Variants in ABCG2 observed in about 807,000 individuals in gnomAD.
ABCG2 encodes the protein broad substrate specificity ATP-binding cassette transporter ABCG2.
A neutral mutation model predicts 73.5 loss-of-function variants in ABCG2; 80 were observed. The ratio of observed to expected loss-of-function variants is 1.09; its 90% CI spans 0.91 to 1.31. ABCG2 has a LOEUF of 1.31. Among genes scored for constraint, ABCG2 ranks in the 50% most tolerant of loss-of-function variants. ABCG2 has a pLI of 0.00. For missense variants in ABCG2, 796 were observed against 786.2 expected (o/e 1.01, Z -0.15); for synonymous variants, 269 against 282.4 (o/e 0.95, Z 0.48).
intron 1 of ABCG2, among the ~76,000 whole-genome samples, chr4:88,198,003 C>T (rs1033279772): frequency 1.4e-5 from 2 of 146,828 alleles, no homozygotes; most frequent in Admixed American, 6.9e-5. Flanking sequence ...GCACTCCAGC[C>T]TGAGTGACGG....
chr4:88,167,299 C>T (rs1451786609), intron 1 of ABCG2, among the ~76,000 whole-genome samples: 1 of 151,946 alleles, frequency 6.6e-6, no homozygotes, highest in Non-Finnish European at 1.5e-5. Flanking sequence ...TGCATTTCTT[C>T]CCATGTGGCC....
chr4:88,104,688 A>G (rs1722659552), intron 10 of ABCG2, among the ~76,000 whole-genome samples: 1 of 152,146 alleles, frequency 6.6e-6, no homozygotes, highest in Non-Finnish European at 1.5e-5. Context: ...AGCAAGCTTA[A>G]GTCACAAATA....
chr4:88,178,381 A>G (rs186526870), intron 1 of ABCG2, among the ~76,000 whole-genome samples: 24 of 152,228 alleles, frequency 1.6e-4, no homozygotes, highest in African/African-American at 5.1e-4. Context: ...CTGACCAAAG[A>G]GCCCTTGGGC....
intron 1 of ABCG2, among the ~76,000 whole-genome samples, chr4:88,140,613 C>A (rs1313016805): frequency 1.3e-5 from 2 of 151,890 alleles, no homozygotes; most frequent in Non-Finnish European, 2.9e-5. Flanking sequence ...TAGAGCGAGA[C>A]TCCATCTCAA....
At chr4:88,114,806 C>T in intron 8 of ABCG2, 151 bp downstream of exon 8, 1 of 537,634 alleles carries the variant, frequency 1.9e-6, no homozygotes, top group South Asian at 2.8e-5. Context: ...ACACCAACAG[C>T]ACTCACAGAC....
At chr4:88,142,188 C>T (rs1725694006) in intron 1 of ABCG2, among the ~76,000 whole-genome samples, 2 of 151,704 alleles carry the variant, frequency 1.3e-5, no homozygotes, top group African/African-American at 2.4e-5. Flanking sequence ...TAACAGGCAA[C>T]CTGAGAGAGA....
At chr4:88,124,539 C>T (rs915553243) in intron 5 of ABCG2, among the ~76,000 whole-genome samples, 1 of 152,064 alleles carries the variant, frequency 6.6e-6, no homozygotes, top group Non-Finnish European at 1.5e-5. Flanking sequence ...AGACTTAAAA[C>T]CAACAAAGAT....
At chr4:88,187,526 T>C (rs1474832476) in intron 1 of ABCG2, among the ~76,000 whole-genome samples, 1 of 152,022 alleles carries the variant, frequency 6.6e-6, no homozygotes, top group Admixed American at 6.6e-5. Context: ...GGCAGGAGAA[T>C]TGCTTGAACC....
chr4:88,107,134 T>G (rs765835774), intron 10 of ABCG2, 50 bp downstream of exon 10: 1 of 1,347,020 alleles, frequency 7.4e-7, no homozygotes, highest in Admixed American at 1.9e-5. Flanking sequence ...TTCAATAAGC[T>G]TGAAGAAAGT....
At chr4:88,181,087 G>A (rs1728214516) in intron 1 of ABCG2, among the ~76,000 whole-genome samples, 1 of 152,094 alleles carries the variant, frequency 6.6e-6, no homozygotes, top group Non-Finnish European at 1.5e-5. Context: ...TATGCAATCA[G>A]TGTTAGGTTG....
In ABCG2 at chr4:88,101,256, G is replaced by C; in HGVS notation, c.1341C>G (p.Leu447=). 1.2e-6 allele frequency: 2 copies of C among 1,614,074 alleles called. No individual in the cohort carries two copies. Among genetic ancestry groups the C allele is most frequent in the South Asian group, 1.1e-5 (1 of 91,080 alleles). ...QCFSSVSAVE[L]FVVEKKLFIH... ...TGAAGAGCTTCTTCTCTACCACAAAGAGTTCCACGGCTGAAACACTGCTGA... is the reference window on the plus strand; with the variant it reads ...TGAAGAGCTTCTTCTCTACCACAAACAGTTCCACGGCTGAAACACTGCTGA... The change falls in exon 11 of 16, where the codon CTC becomes CTG. Residue 447 remains leucine (L), a synonymous_variant. Transcript: ENST00000237612.
In ABCG2 at chr4:88,177,605, C is replaced by T. The variant is rs72875370; in HGVS notation, c.-19-37591G>A. Reference sequence around the variant, plus strand: ...ACCCCAAAAAGCACCTTCACAAGCACCAAAAATCAGATGAACGATCATAGT... The same window carrying T: ...ACCCCAAAAAGCACCTTCACAAGCATCAAAAATCAGATGAACGATCATAGT... On this transcript the variant is annotated intron_variant, in intron 1 of 15. Transcript: ENST00000515655. Among the ~76,000 whole-genome samples, 496 of 152,162 alleles carry T rather than the reference C, an allele frequency of 3.3e-3. 6 individuals are homozygous for T. The highest frequency in any genetic ancestry group is 0.011 in the African/African-American group (477 of 41,542).
Position 88,100,268 on chromosome 4 carries a change from AG to A in ABCG2, c.1368-821del, listed in dbSNP as rs1722304542. On this transcript the variant is annotated intron_variant, in intron 11 of 15. Transcript: ENST00000237612. The stretch of plus-strand genomic sequence containing the variant: ...TAATCCCAGTGCTTTGGGCGGCCAA[AG>A]GGGGTGGATCACCTGAGGTCAGGAG... Among the ~76,000 whole-genome samples, 2 of 151,664 alleles carry A rather than the reference AG, an allele frequency of 1.3e-5. 1 individual carries two copies. Among genetic ancestry groups the A allele is most frequent in the Admixed American group, 1.3e-4 (2 of 15,196 alleles).
intron 1 of ABCG2, among the ~76,000 whole-genome samples, chr4:88,150,164 A>C (rs1726354181): frequency 6.6e-6 from 1 of 152,078 alleles, no homozygotes; most frequent in South Asian, 2.1e-4. Context: ...TAAACATACA[A>C]AAATTATCCG....
At chr4:88,097,354 C>T in intron 13 of ABCG2, 99 bp downstream of exon 13, 1 of 1,388,348 alleles carries the variant, frequency 7.2e-7, no homozygotes, top group Admixed American at 2.1e-5. Context: ...GCCCCATTTA[C>T]AGAATCCTCA....
At chr4:88,124,650 A>G (rs528715822) in intron 5 of ABCG2, among the ~76,000 whole-genome samples, 4 of 152,374 alleles carry the variant, frequency 2.6e-5, no homozygotes, top group Admixed American at 2.6e-4. Context: ...AGGAGCATGC[A>G]GACTCATAAA....
chr4:88,153,799 C>T (rs903317611), intron 1 of ABCG2, among the ~76,000 whole-genome samples: 3 of 152,060 alleles, frequency 2.0e-5, no homozygotes, highest in Non-Finnish European at 4.4e-5. Flanking sequence ...GTGAGTAAAG[C>T]TAATTTGCCA....
chr4:88,195,148 C>G (rs978164765), intron 1 of ABCG2, among the ~76,000 whole-genome samples: 1 of 152,054 alleles, frequency 6.6e-6, no homozygotes, highest in Non-Finnish European at 1.5e-5. Flanking sequence ...GTGGGAGGAT[C>G]GCTTGAGGCC....
At chr4:88,145,085 T>G (rs1333379044) in intron 1 of ABCG2, among the ~76,000 whole-genome samples, 2 of 152,026 alleles carry the variant, frequency 1.3e-5, no homozygotes, top group African/African-American at 4.8e-5. Flanking sequence ...TTCCAGACTC[T>G]ACTCTTCCTT....
Sources: gnomAD v4.1 joint callset for allele counts (sites outside exome capture counted in the v4.1 genomes callset) on GRCh38, gnomAD v4.1.1 for gene constraint, MANE v1.5 for transcripts, NCBI Gene and HGNC (gene_info 2026-07-23, HGNC 2026-07-21) for gene names.